The following LAMA2 variants were observed in gnomAD, a reference collection of about 807,000 sequenced individuals.
LAMA2 encodes the protein laminin subunit alpha-2.
A neutral mutation model predicts 364.8 loss-of-function variants in LAMA2; 269 were observed. The observed-to-expected ratio is 0.74, with a 90% CI of 0.67 to 0.82. The LOEUF (loss-of-function observed/expected upper bound fraction) is 0.82, where lower values mean the gene tolerates loss of function less well. LAMA2 is among the 40% of genes least tolerant of loss of function. LAMA2 has a pLI of 0.00. For missense variants in LAMA2, 3,807 were observed against 3,873.2 expected, an observed-to-expected ratio of 0.98 and a Z score of 0.45; for synonymous variants, 1,379 against 1,370.6, an observed-to-expected ratio of 1.01 and a Z score of -0.14.
intron 30 of LAMA2, among the ~76,000 whole-genome samples, chr6:129,348,628 G>A (rs1776692711): frequency 6.6e-6 from 1 of 151,622 alleles, no homozygotes; most frequent in Non-Finnish European, 1.5e-5. Flanking sequence ...CAGCATTGTA[G>A]TAAAAACATT....
intron 1 of LAMA2, among the ~76,000 whole-genome samples, chr6:128,966,858 A>G (rs1020697037): frequency 6.6e-6 from 1 of 152,218 alleles, no homozygotes; most frequent in Admixed American, 6.5e-5. Context: ...AAAGTACTAT[A>G]TGCAGGAATA....
At chr6:128,883,829 CACACACATATAT>C (rs1340691879) in intron 1 of LAMA2, among the ~76,000 whole-genome samples, 2 of 119,670 alleles carry the variant, frequency 1.7e-5, no homozygotes, top group African/African-American at 7.2e-5. Context: ...CACACACACA[CACACACATATAT>C]ATATATATAA....
At chr6:129,469,818 C>T (rs1414683486) in intron 51 of LAMA2, among the ~76,000 whole-genome samples, 1 of 151,320 alleles carries the variant, frequency 6.6e-6, no homozygotes, top group African/African-American at 2.4e-5. Flanking sequence ...GATGAATATC[C>T]AAATAGGCAG....
At chr6:129,413,930 G>A (rs59721628) in intron 40 of LAMA2, among the ~76,000 whole-genome samples, 1,988 of 152,140 alleles carry the variant, frequency 0.013, 50 homozygotes, top group African/African-American at 0.045. Flanking sequence ...AGACAGGGTT[G>A]ACAAAACAGC....
intron 8 of LAMA2, chr6:129,158,328 G>A: frequency 4.3e-6 from 7 of 1,613,858 alleles, no homozygotes; most frequent in Non-Finnish European, 4.2e-6. Context: ...TTCTTCAGTG[G>A]TAAAGAATAC....
chr6:129,243,602 C>A (rs763250988), intron 12 of LAMA2, among the ~76,000 whole-genome samples: 1 of 151,864 alleles, frequency 6.6e-6, no homozygotes, highest in Non-Finnish European at 1.5e-5. Context: ...TGGTCTGTTC[C>A]AGAACTATGT....
At position 129,418,238 on chromosome 6, in the gene LAMA2, T is replaced by C. The variant is rs919026896; in HGVS notation, c.5866-9514T>C. ...AAGTCTTTAGAATTAAAATTTAAGC[T>C]GACAATAGATCCCCTCTCCCCAGGG... is the stretch of plus-strand genomic sequence containing the variant. On this transcript the variant is annotated intron_variant, in intron 40 of 64. Transcript: ENST00000421865. 4.6e-5 allele frequency among the ~76,000 whole-genome samples: 7 copies of C among 152,106 alleles called. 1 individual carries two copies. Among genetic ancestry groups the C allele is most frequent in the African/African-American group, 1.7e-4 (7 of 41,374 alleles).
At chr6:129,087,374 CT>C (rs1752639886) in intron 3 of LAMA2, among the ~76,000 whole-genome samples, 1 of 152,132 alleles carries the variant, frequency 6.6e-6, no homozygotes, top group Admixed American at 6.5e-5. Flanking sequence ...TGGGACACAC[CT>C]TTGTTTAAAA....
intron 49 of LAMA2, among the ~76,000 whole-genome samples, chr6:129,461,976 G>T (rs1448147496): frequency 4.6e-5 from 7 of 151,962 alleles, no homozygotes; most frequent in African/African-American, 1.4e-4. Flanking sequence ...ACCCACATCA[G>T]ATTAAGGGCA....
At chr6:129,124,422 G>T (rs918183606) in intron 4 of LAMA2, among the ~76,000 whole-genome samples, 2 of 152,176 alleles carry the variant, frequency 1.3e-5, no homozygotes, top group Non-Finnish European at 1.5e-5. Flanking sequence ...CATAAGAAAA[G>T]ATTTGAACCC....
chr6:129,482,208 C>T (rs1784381376), intron 55 of LAMA2, among the ~76,000 whole-genome samples: 2 of 152,082 alleles, frequency 1.3e-5, no homozygotes, highest in South Asian at 2.1e-4. Flanking sequence ...TTCAGGACTG[C>T]TATTCAGCTG....
At chr6:129,369,503 A>C (rs1343303022) in intron 33 of LAMA2, among the ~76,000 whole-genome samples, 1 of 152,100 alleles carries the variant, frequency 6.6e-6, no homozygotes, top group Non-Finnish European at 1.5e-5. Context: ...GGAGCCTTAA[A>C]TGGGCCAGGC....
intron 1 of LAMA2, among the ~76,000 whole-genome samples, chr6:129,022,782 G>C (rs1018888732): frequency 1.3e-5 from 2 of 152,094 alleles, no homozygotes; most frequent in African/African-American, 4.8e-5. Context: ...TTCTTTGCAG[G>C]AGGCAGAATA....
intron 4 of LAMA2, among the ~76,000 whole-genome samples, chr6:129,132,756 A>G (rs1213733887): frequency 1.3e-5 from 2 of 152,170 alleles, no homozygotes; most frequent in Non-Finnish European, 2.9e-5. Context: ...GCAACTAACA[A>G]TAGTTTCTCC....
chr6:129,025,672 C>A (rs573236080), intron 1 of LAMA2, among the ~76,000 whole-genome samples: 1 of 152,172 alleles, frequency 6.6e-6, no homozygotes, highest in African/African-American at 2.4e-5. Context: ...CAAAATCATG[C>A]ATTTTAAATG....
At chr6:129,173,503 G>C (rs755932108) in intron 9 of LAMA2, among the ~76,000 whole-genome samples, 1 of 152,098 alleles carries the variant, frequency 6.6e-6, no homozygotes, top group African/African-American at 2.4e-5. Context: ...TTCACCACTT[G>C]TCAGTGTCTG....
In LAMA2 at chr6:129,328,382, C is replaced by T. The variant is rs1248342270; in HGVS notation, c.4281C>T (p.Ser1427=). ...CVPCQCNGHS[S]LCDPETSICQ... ...CATGTCAATGTAATGGACACAGCAG[C>T]CTGTGTGACCCTGAAACATCGATAT... The change falls in exon 29 of 65, where the codon AGC becomes AGT. Residue 1427 remains serine (S), a synonymous_variant. Transcript: ENST00000421865. 6.2e-7 allele frequency: 1 copy of T among 1,614,058 alleles called. No individual in the cohort carries two copies. The highest frequency in any genetic ancestry group is 1.7e-5 in the Admixed American group (1 of 60,026).
intron 10 of LAMA2, among the ~76,000 whole-genome samples, chr6:129,179,565 A>G (rs1375020644): frequency 6.6e-6 from 1 of 152,174 alleles, no homozygotes; most frequent in Admixed American, 6.6e-5. Flanking sequence ...CGAACTCAAT[A>G]TTGTACTGAG....
chr6:129,032,360 A>G (rs1386423026), intron 1 of LAMA2, among the ~76,000 whole-genome samples: 3 of 152,236 alleles, frequency 2.0e-5, no homozygotes, highest in Admixed American at 6.5e-5. Context: ...CTGTTTACAA[A>G]GCATTAGGAA....
Sources: gnomAD v4.1 joint callset for allele counts (sites outside exome capture counted in the v4.1 genomes callset) on GRCh38, gnomAD v4.1.1 for gene constraint, MANE v1.5 for transcripts, NCBI Gene and HGNC (gene_info 2026-07-23, HGNC 2026-07-21) for gene names.